Variants in FRYL observed in about 807,000 individuals in gnomAD.
FRYL encodes protein furry homolog-like.
In FRYL, 150 loss-of-function variants were observed where a neutral mutation model predicts 351.2. The ratio of observed to expected loss-of-function variants is 0.43; its 90% confidence interval spans 0.37 to 0.49. The LOEUF is 0.49. FRYL is among the 20% of genes least tolerant of loss of function. The pLI, the probability that FRYL is intolerant of heterozygous loss-of-function variation, is 0.00. For missense variants in FRYL, 3,036 were observed against 3,619.3 expected (o/e 0.84, Z 4.13); for synonymous variants, 1,153 against 1,257.1 (o/e 0.92, Z 1.75).
At chr4:48,535,614 C>CACACAT (rs756048933) in intron 48 of FRYL, 43 bp downstream of exon 48, 105 of 980,916 alleles carry the variant, frequency 1.1e-4, no homozygotes, top group East Asian at 6.2e-4. Context: ...CACACACACA[C>CACACAT]ATATATATAT....
At chr4:48,665,179 C>T (rs1223538966) in intron 3 of FRYL, among the ~76,000 whole-genome samples, 1 of 152,160 alleles carries the variant, frequency 6.6e-6, no homozygotes, top group Non-Finnish European at 1.5e-5. Flanking sequence ...ACATTCCTGA[C>T]ACAGGTATTC....
At chr4:48,770,969 AGC>A (rs1031801191) in intron 1 of FRYL, among the ~76,000 whole-genome samples, 1 of 110,146 alleles carries the variant, frequency 9.1e-6, no homozygotes, top group Admixed American at 7.8e-5. Flanking sequence ...TAAGAATCAA[AGC>A]ACAGTTCTTT....
In FRYL at chr4:48,672,562, C is replaced by T. The variant is rs188009182; in HGVS notation, c.-81+12111G>A. Reference sequence around the variant, plus strand: ...AAAAGAAGTCCTGACCTCCTTCACACACTTACATAGTAAGTATGAGGTTCT... The same window carrying T: ...AAAAGAAGTCCTGACCTCCTTCACATACTTACATAGTAAGTATGAGGTTCT... On this transcript the variant is annotated intron_variant, in intron 3 of 63. Coordinates refer to ENST00000358350, the MANE Select transcript of FRYL (RefSeq NM_015030.2). Among the ~76,000 whole-genome samples, 15 of 152,344 alleles carry T rather than the reference C, an allele frequency of 9.8e-5. No individual in the cohort carries two copies. In the East Asian group the frequency reaches 2.9e-3, roughly 29 times the overall value.
intron 53 of FRYL, among the ~76,000 whole-genome samples, chr4:48,524,933 G>C (rs1448515188): frequency 6.6e-6 from 1 of 151,890 alleles, no homozygotes; most frequent in East Asian, 1.9e-4. Flanking sequence ...CCTGGCCTTG[G>C]GTAGGGCAGC....
intron 3 of FRYL, among the ~76,000 whole-genome samples, chr4:48,652,230 A>G (rs534573712): frequency 2.0e-5 from 3 of 152,362 alleles, no homozygotes; most frequent in Admixed American, 2.0e-4. Flanking sequence ...CTTACAAGAC[A>G]AGCTGCTGTG....
intron 3 of FRYL, among the ~76,000 whole-genome samples, chr4:48,682,982 G>T (rs13119504): frequency 0.51 from 77,369 of 151,938 alleles, 20,130 homozygotes; most frequent in South Asian, 0.61. Context: ...TGTATATTGC[G>T]GCACTGTTCA....
intron 1 of FRYL, among the ~76,000 whole-genome samples, chr4:48,741,732 A>G (rs1327828202): frequency 1.3e-5 from 2 of 152,012 alleles, no homozygotes; most frequent in Non-Finnish European, 2.9e-5. Flanking sequence ...AATAATAAAG[A>G]CATGGAGGAA....
At chr4:48,762,329 C>A (rs1211491264) in intron 1 of FRYL, among the ~76,000 whole-genome samples, 1 of 152,170 alleles carries the variant, frequency 6.6e-6, no homozygotes, top group Non-Finnish European at 1.5e-5. Flanking sequence ...ATCCCATCAA[C>A]CATATGTGAA....
chr4:48,525,162 G>GATAT (rs1560536410), intron 53 of FRYL, among the ~76,000 whole-genome samples: 4 of 118,446 alleles, frequency 3.4e-5, no homozygotes, highest in Admixed American at 8.4e-5. Context: ...TATTTTTAAA[G>GATAT]GTATATATAT....
Position 48,738,109 on chromosome 4 carries a change from A to G in FRYL, c.-383-27411T>C, listed in dbSNP as rs187745715. On this transcript the variant is annotated intron_variant, in intron 1 of 63. Transcript: ENST00000358350. ...CATACTAGACGTCCTAGCTAATGCA[A>G]TAAAATAAGGAAAGGAAATAAAAAG... Among the ~76,000 whole-genome samples, 365 of 152,358 alleles carry G rather than the reference A, an allele frequency of 2.4e-3. 1 individual carries two copies. The highest frequency in any genetic ancestry group is 8.1e-3 in the African/African-American group (337 of 41,580).
intron 42 of FRYL, among the ~76,000 whole-genome samples, chr4:48,545,597 T>C (rs570951533): frequency 1.5e-4 from 23 of 152,168 alleles, no homozygotes; most frequent in Non-Finnish European, 2.4e-4. Context: ...TCCATAATTG[T>C]CTAGAACAAC....
rs1732557077 is a variant in FRYL, at chr4:48,550,839, C to T, written c.4521-135G>A. On this transcript the variant is annotated intron_variant, in intron 37 of 63. Transcript: ENST00000358350. Reference sequence around the variant, plus strand: ...CTGTAATCCCAGCACTTTGGGAGGCCAAGGCAGGAGGATCATGAGGTCAGG... The same window carrying T: ...CTGTAATCCCAGCACTTTGGGAGGCTAAGGCAGGAGGATCATGAGGTCAGG... The T allele has an allele frequency of 4.6e-6, 3 of 658,224 alleles. No individual in the cohort carries two copies. The East Asian group carries it at 8.1e-5, about 18-fold the overall frequency. 40.8% of individuals were successfully genotyped at this position (658,224 alleles called of 1,614,324 possible).
At chr4:48,506,614 TAATATATATATATA>T (rs1360552455) in intron 59 of FRYL, 61 of 78,006 alleles carry the variant, frequency 7.8e-4, no homozygotes, top group South Asian at 2.5e-3. Flanking sequence ...ACAATACAAC[TAATATATATATATA>T]TATATATATA....
At chr4:48,586,492 G>T in intron 19 of FRYL, 129 bp downstream of exon 19, 1 of 527,640 alleles carries the variant, frequency 1.9e-6, no homozygotes, top group Non-Finnish European at 3.3e-6. Context: ...AGTTTAGAAA[G>T]TAAATCAGAT....
At chr4:48,655,608 A>T (rs1299725936) in intron 3 of FRYL, among the ~76,000 whole-genome samples, 1 of 149,754 alleles carries the variant, frequency 6.7e-6, no homozygotes, top group Non-Finnish European at 1.5e-5. Flanking sequence ...TAACAAATTC[A>T]GGAAATAAGC....
intron 22 of FRYL, among the ~76,000 whole-genome samples, chr4:48,580,112 A>T (rs1740569348): frequency 6.6e-6 from 1 of 152,174 alleles, no homozygotes; most frequent in East Asian, 1.9e-4. Flanking sequence ...TAGGCTTATA[A>T]AACCTTATTA....
chr4:48,593,448 G>A lies in FRYL; in HGVS notation c.1335+482C>T, dbSNP rs1456477727. ...CAACCTCTGCCTCCCAGGTTCAAGC[G>A]ATTCTCCTGCCTCAGCCTCCCTAGT... On this transcript the variant is annotated intron_variant, in intron 16 of 63. Coordinates refer to ENST00000358350, the MANE Select transcript of FRYL (RefSeq NM_015030.2). Among the ~76,000 whole-genome samples, 6 of 151,946 alleles carry A rather than the reference G, an allele frequency of 3.9e-5. No individual in the cohort carries two copies. In the East Asian group the frequency reaches 5.8e-4, roughly 15 times the overall value.
chr4:48,542,888 T>A (rs4695387), intron 44 of FRYL, among the ~76,000 whole-genome samples: 144,967 of 151,974 alleles, frequency 0.95, 69,167 homozygotes, highest in East Asian at 1. Context: ...ATGAGTTTTT[T>A]AAAAAAGAAA....
chr4:48,589,618 G>GA, intron 18 of FRYL, 127 bp downstream of exon 18: 1 of 861,406 alleles, frequency 1.2e-6, no homozygotes. Flanking sequence ...TCACTGTATT[G>GA]AAAACTGCAG....
Sources: gnomAD v4.1 joint callset for allele counts (sites outside exome capture counted in the v4.1 genomes callset) on GRCh38, gnomAD v4.1.1 for gene constraint, MANE v1.5 for transcripts, NCBI Gene and HGNC (gene_info 2026-07-23, HGNC 2026-07-21) for gene names.